The following PSD3 variants were observed in gnomAD, a reference collection of about 807,000 sequenced individuals.
PSD3 encodes PH and SEC7 domain-containing protein 3.
Under a neutral mutation model 105.5 loss-of-function variants are expected in PSD3, and 49 were observed. That is an observed-to-expected ratio of 0.46 (90% CI 0.37 to 0.59). The LOEUF is 0.59. Among genes scored for constraint, PSD3 ranks in the 20% least tolerant of loss-of-function variants. The pLI is 0.00. For synonymous variants in PSD3, 557 were observed against 457.8 expected (o/e 1.22, Z -2.77); for missense variants, 1,561 against 1,263.8 (o/e 1.24, Z -3.57).
At chr8:19,013,183 C>CT (rs1015255253) in intron 1 of PSD3, among the ~76,000 whole-genome samples, 3 of 151,978 alleles carry the variant, frequency 2.0e-5, no homozygotes, top group Admixed American at 1.3e-4. Context: ...TTAGTTTAGT[C>CT]TTTTTTTCTT....
chr8:18,946,354 T>C (rs891690644), intron 1 of PSD3, among the ~76,000 whole-genome samples: 11 of 151,990 alleles, frequency 7.2e-5, no homozygotes, highest in South Asian at 2.1e-4. Context: ...ACTGAGAGGA[T>C]TGCCTGAGGC....
At chr8:18,796,441 T>C (rs529237562) in intron 8 of PSD3, among the ~76,000 whole-genome samples, 74 of 152,304 alleles carry the variant, frequency 4.9e-4, no homozygotes, top group African/African-American at 1.8e-3. Flanking sequence ...GGCACACGCA[T>C]GCTATATACA....
chr8:18,658,582 G>T (rs761268379), intron 9 of PSD3, among the ~76,000 whole-genome samples: 9 of 146,084 alleles, frequency 6.2e-5, no homozygotes, highest in Non-Finnish European at 1.1e-4. Context: ...GAGTACAGTG[G>T]TGCAGTCATA....
At position 18,535,672 on chromosome 8, in the gene PSD3, C is replaced by T. The variant is rs997954342; in HGVS notation, c.*71G>A. 1.7e-5 allele frequency: 21 copies of T among 1,253,996 alleles called. No homozygotes were observed. The highest frequency in any genetic ancestry group is 5.0e-5 in the South Asian group (4 of 80,632). The allele number at this position is 1,253,996 out of a possible 1,614,324, so 77.7% of individuals were successfully genotyped here. A position where few individuals can be genotyped will look rare whatever the true frequency, so the allele number is the denominator to read the frequency against. ...GACTTTTTTTTTTTAAATATATTCA[C>T]GGATTACCAGAAAGATCTTGAAAAA... On this transcript the variant is annotated 3_prime_UTR_variant, in exon 16 of 16. Coordinates refer to ENST00000327040, the MANE Select transcript of PSD3 (RefSeq NM_015310.4).
At position 18,685,627 on chromosome 8, in the gene PSD3, A is replaced by C. The variant is rs546135241; in HGVS notation, c.2173-29942T>G. 1.2e-3 allele frequency among the ~76,000 whole-genome samples: 187 copies of C among 152,296 alleles called. 1 individual carries two copies. The highest frequency in any genetic ancestry group is 3.4e-3 in the Middle Eastern group (1 of 294). On this transcript the variant is annotated intron_variant, in intron 9 of 15. Transcript: ENST00000327040. ...CTTAGGAAACTGAAGCTACCAAATA[A>C]CTGTTTCTCAGAATTAAGAAAAATT...
intron 1 of PSD3, among the ~76,000 whole-genome samples, chr8:19,041,343 G>A (rs765613869): frequency 6.6e-6 from 1 of 152,208 alleles, no homozygotes; most frequent in Non-Finnish European, 1.5e-5. Flanking sequence ...CTATGGGAGT[G>A]CCATAGGGAA....
At chr8:18,800,605 G>C (rs1369489493) in intron 7 of PSD3, among the ~76,000 whole-genome samples, 1 of 152,156 alleles carries the variant, frequency 6.6e-6, no homozygotes, top group Non-Finnish European at 1.5e-5. Flanking sequence ...TGAAATGGAG[G>C]AAAGATCTCT....
intron 1 of PSD3, among the ~76,000 whole-genome samples, chr8:18,992,993 C>A: frequency 6.6e-6 from 1 of 152,154 alleles, no homozygotes; most frequent in East Asian, 1.9e-4. Flanking sequence ...CAGAAATAGA[C>A]ACCTCATCCA....
chr8:18,843,071 C>T (rs1016782741), intron 4 of PSD3, among the ~76,000 whole-genome samples: 5 of 152,022 alleles, frequency 3.3e-5, no homozygotes, highest in African/African-American at 1.2e-4. Flanking sequence ...AACATAAAAC[C>T]ATCAGTAGTA....
chr8:18,624,223 T>C (rs1272060386), intron 11 of PSD3, among the ~76,000 whole-genome samples: 1 of 152,148 alleles, frequency 6.6e-6, no homozygotes, highest in Non-Finnish European at 1.5e-5. Context: ...CTAATACTTT[T>C]GCAGGGTAGA....
At chr8:18,645,239 C>A (rs1807945221) in intron 10 of PSD3, among the ~76,000 whole-genome samples, 1 of 152,216 alleles carries the variant, frequency 6.6e-6, no homozygotes, top group Non-Finnish European at 1.5e-5. Flanking sequence ...CAAGAGTCTT[C>A]CTTAATTCTA....
chr8:18,584,674 T>A (rs1585305535), intron 12 of PSD3, among the ~76,000 whole-genome samples: 2 of 152,226 alleles, frequency 1.3e-5, no homozygotes, highest in East Asian at 3.9e-4. Flanking sequence ...TTGTGATGTA[T>A]AATGCTCTGA....
chr8:18,913,068 AACACACACACACACACAAACAC>A (rs1230161847), intron 2 of PSD3, among the ~76,000 whole-genome samples: 3 of 113,182 alleles, frequency 2.7e-5, no homozygotes, highest in Non-Finnish European at 5.6e-5. Context: ...CAACTTTATA[AACACACACACACACACAAACAC>A]ACACACACAC....
rs1054383516 is a variant in PSD3 at position 18,804,560 on chromosome 8, A to C, written c.1872T>G (p.Phe624Leu). 1.1e-5 allele frequency: 17 copies of C among 1,613,562 alleles called. No homozygotes were observed. The African/African-American group carries it at 2.1e-4, about 20-fold the overall frequency. Residue 624 changes from phenylalanine to leucine, a missense_variant, in exon 6 of 16, where the codon TTT becomes TTG. By Grantham distance (22) the Phe-to-Leu change is conservative. Transcript: ENST00000327040. ...SKLVAEEYLK[F>L]FDFTGMTLDQ... Reference sequence around the variant, plus strand: ...CCAGCGTCATTCCTGTAAAATCAAAAAACTTCAGATATTCTTCTGCAACTA... The same window carrying C: ...CCAGCGTCATTCCTGTAAAATCAAACAACTTCAGATATTCTTCTGCAACTA...
At chr8:18,691,628 C>A (rs911518200) in intron 9 of PSD3, among the ~76,000 whole-genome samples, 2 of 152,152 alleles carry the variant, frequency 1.3e-5, no homozygotes, top group Non-Finnish European at 2.9e-5. Flanking sequence ...ATGAGTAAAC[C>A]AATAATTGTA....
intron 15 of PSD3, 149 bp downstream of exon 15, chr8:18,556,060 G>C (rs1160918444): frequency 2.4e-6 from 2 of 824,616 alleles, no homozygotes; most frequent in African/African-American, 3.5e-5. Context: ...AACAAGAGGG[G>C]CCACCATGAC....
intron 9 of PSD3, among the ~76,000 whole-genome samples, chr8:18,674,292 T>G (rs928454399): frequency 5.3e-5 from 8 of 152,218 alleles, no homozygotes; most frequent in African/African-American, 1.9e-4. Flanking sequence ...TGGCCCCCAG[T>G]TCCTGGGCCT....
At chr8:18,571,235 C>A (rs1802118273) in intron 14 of PSD3, among the ~76,000 whole-genome samples, 1 of 152,154 alleles carries the variant, frequency 6.6e-6, no homozygotes, top group Non-Finnish European at 1.5e-5. Context: ...CAAGGCCTTT[C>A]ATGATTTGGC....
chr8:18,880,840 A>G (rs190572819), intron 2 of PSD3, among the ~76,000 whole-genome samples: 1 of 152,232 alleles, frequency 6.6e-6, no homozygotes, highest in African/African-American at 2.4e-5. Flanking sequence ...GGGACTTGTT[A>G]AATATAAAAA....
Sources: allele counts gnomAD v4.1 joint callset (sites outside exome capture counted in the v4.1 genomes callset), GRCh38; gene constraint gnomAD v4.1.1; transcripts MANE v1.5; gene names NCBI Gene and HGNC (gene_info 2026-07-23, HGNC 2026-07-21).